Variants in HS3ST4 observed in about 807,000 individuals in gnomAD.
HS3ST4 encodes heparan sulfate-glucosamine 3-sulfotransferase 4, also known as heparan sulfate glucosamine 3-O-sulfotransferase 4.
Under a neutral mutation model 29.2 loss-of-function variants are expected in HS3ST4, and 17 were observed. The observed-to-expected ratio is 0.58, with a 90% CI of 0.40 to 0.87. The LOEUF (loss-of-function observed/expected upper bound fraction) is 0.87, where lower values mean the gene tolerates loss of function less well. Among genes scored for constraint, HS3ST4 ranks in the 40% least tolerant of loss-of-function variants. HS3ST4 has a pLI of 0.00. For synonymous variants in HS3ST4, 314 were observed against 285.7 expected (o/e 1.10, Z -1.00); for missense variants, 627 against 634.5 (o/e 0.99, Z 0.13).
chr16:25,946,080 G>T (rs957184724), intron 1 of HS3ST4, among the ~76,000 whole-genome samples: 2 of 152,048 alleles, frequency 1.3e-5, no homozygotes, highest in Non-Finnish European at 2.9e-5. Flanking sequence ...ATGTTCTGCC[G>T]CCAGCCACTC....
At chr16:26,049,345 G>A (rs963642719) in intron 1 of HS3ST4, among the ~76,000 whole-genome samples, 8 of 147,928 alleles carry the variant, frequency 5.4e-5, no homozygotes, top group South Asian at 2.1e-4. Context: ...GTCTACATCC[G>A]GAGGTCTACA....
intron 1 of HS3ST4, among the ~76,000 whole-genome samples, chr16:25,766,699 T>A (rs1461032664): frequency 6.6e-6 from 1 of 152,214 alleles, no homozygotes; most frequent in Non-Finnish European, 1.5e-5. Flanking sequence ...CCAAATACCC[T>A]GACTTCATAA....
intron 1 of HS3ST4, among the ~76,000 whole-genome samples, chr16:26,072,002 A>G (rs867773915): frequency 1.3e-5 from 2 of 152,136 alleles, no homozygotes; most frequent in Non-Finnish European, 2.9e-5. Context: ...CTTCACATCT[A>G]TGAAGTAGCC....
chr16:25,920,492 A>G (rs1237205719), intron 1 of HS3ST4, among the ~76,000 whole-genome samples: 5 of 151,326 alleles, frequency 3.3e-5, no homozygotes, highest in Non-Finnish European at 7.4e-5. Flanking sequence ...TTTCTCAAAC[A>G]CTCTGGCCCT....
chr16:25,783,996 C>T (rs1451788367), intron 1 of HS3ST4, among the ~76,000 whole-genome samples: 1 of 152,184 alleles, frequency 6.6e-6, no homozygotes, highest in African/African-American at 2.4e-5. Context: ...TGTGTGCTCA[C>T]TTCACATCTG....
intron 1 of HS3ST4, among the ~76,000 whole-genome samples, chr16:25,783,847 T>C (rs1389843087): frequency 6.6e-6 from 1 of 152,240 alleles, no homozygotes; most frequent in Non-Finnish European, 1.5e-5. Flanking sequence ...CTTTAAGTTA[T>C]ATACAGGTAT....
At chr16:25,754,208 A>G (rs2141603130) in intron 1 of HS3ST4, among the ~76,000 whole-genome samples, 1 of 152,300 alleles carries the variant, frequency 6.6e-6, no homozygotes, top group East Asian at 1.9e-4. Flanking sequence ...TAGCTAAGCT[A>G]GAACTTACAT....
chr16:25,927,344 G>A (rs2141685668), intron 1 of HS3ST4, among the ~76,000 whole-genome samples: 1 of 152,346 alleles, frequency 6.6e-6, no homozygotes, highest in South Asian at 2.1e-4. Context: ...AGAAGAAGAT[G>A]TAGGATGGGC....
At chr16:25,786,212 G>A (rs1301137170) in intron 1 of HS3ST4, among the ~76,000 whole-genome samples, 1 of 152,064 alleles carries the variant, frequency 6.6e-6, no homozygotes, top group Non-Finnish European at 1.5e-5. Context: ...TAGAAGACTG[G>A]GTTGATCTCC....
At chr16:25,822,736 C>CTT (rs113992567) in intron 1 of HS3ST4, among the ~76,000 whole-genome samples, 1 of 146,106 alleles carries the variant, frequency 6.8e-6, no homozygotes, top group African/African-American at 2.5e-5. Context: ...CCCAGGATTA[C>CTT]TTTTTTTTTT....
In HS3ST4 at chr16:25,917,514, C is replaced by T. The variant is rs916447913; in HGVS notation, c.735-218098C>T. Among the ~76,000 whole-genome samples, 9 of 152,290 alleles carry T rather than the reference C, an allele frequency of 5.9e-5. No individual in the cohort carries two copies. In the East Asian group the frequency reaches 7.7e-4, roughly 13 times the overall value. On this transcript the variant is annotated intron_variant, in intron 1 of 1. Coordinates refer to ENST00000331351, the MANE Select transcript of HS3ST4 (RefSeq NM_006040.3). Reference sequence around the variant, plus strand: ...GCCTGAGCCACTGTGCCCAGCCTATCGCTCTTTCTAAACAGACCAGGATGT... The same window carrying T: ...GCCTGAGCCACTGTGCCCAGCCTATTGCTCTTTCTAAACAGACCAGGATGT...
intron 1 of HS3ST4, among the ~76,000 whole-genome samples, chr16:26,023,946 T>C (rs745656099): frequency 3.9e-5 from 6 of 152,084 alleles, no homozygotes; most frequent in Non-Finnish European, 7.4e-5. Context: ...ACAATGTCAA[T>C]GGGTGCGGTG....
intron 1 of HS3ST4, among the ~76,000 whole-genome samples, chr16:25,962,232 G>A (rs999392465): frequency 6.6e-6 from 1 of 152,032 alleles, no homozygotes; most frequent in Non-Finnish European, 1.5e-5. Context: ...TTTTTTTCTC[G>A]CTGTAGGGGT....
At chr16:25,879,584 C>G (rs1179269543) in intron 1 of HS3ST4, among the ~76,000 whole-genome samples, 1 of 152,102 alleles carries the variant, frequency 6.6e-6, no homozygotes, top group Non-Finnish European at 1.5e-5. Context: ...ATTCAGTCAT[C>G]TCACACTGGG....
At chr16:25,803,719 A>G (rs1403084879) in intron 1 of HS3ST4, among the ~76,000 whole-genome samples, 1 of 152,134 alleles carries the variant, frequency 6.6e-6, no homozygotes, top group Non-Finnish European at 1.5e-5. Context: ...CCTGGGTTAC[A>G]ACTGTTTTTC....
chr16:25,969,456 G>A (rs913876479), intron 1 of HS3ST4, among the ~76,000 whole-genome samples: 2 of 152,220 alleles, frequency 1.3e-5, no homozygotes, highest in Non-Finnish European at 2.9e-5. Flanking sequence ...CAGAGCTCGT[G>A]GGGGTGGAGG....
intron 1 of HS3ST4, among the ~76,000 whole-genome samples, chr16:26,068,946 A>G (rs766417497): frequency 7.9e-5 from 12 of 151,984 alleles, no homozygotes; most frequent in South Asian, 2.1e-4. Flanking sequence ...CAATATCTAT[A>G]TTATTTATTT....
chr16:25,935,122 A>G (rs1317966699), intron 1 of HS3ST4, among the ~76,000 whole-genome samples: 2 of 152,160 alleles, frequency 1.3e-5, no homozygotes, highest in African/African-American at 4.8e-5. Flanking sequence ...ATCACCTTCC[A>G]CCATGATTGT....
At chr16:26,021,727 G>A (rs540574912) in intron 1 of HS3ST4, among the ~76,000 whole-genome samples, 377 of 150,184 alleles carry the variant, frequency 2.5e-3, no homozygotes, top group African/African-American at 8.6e-3. Context: ...GCAGTGGTGC[G>A]ATCTCAGCTC....
Sources: allele counts gnomAD v4.1 joint callset (sites outside exome capture counted in the v4.1 genomes callset), GRCh38; gene constraint gnomAD v4.1.1; transcripts MANE v1.5; gene names NCBI Gene and HGNC (gene_info 2026-07-23, HGNC 2026-07-21).